Variants in STAU2 observed in about 807,000 individuals in gnomAD.
The protein encoded by STAU2 is double-stranded RNA-binding protein Staufen homolog 2.
In STAU2, 20 loss-of-function variants were observed where a neutral mutation model predicts 65.9. The observed-to-expected ratio is 0.30, with a 90% CI of 0.21 to 0.44. The LOEUF (loss-of-function observed/expected upper bound fraction) is 0.44, where lower values mean the gene tolerates loss of function less well. STAU2 is among the 20% of genes least tolerant of loss of function. The pLI is 1.00. For synonymous variants in STAU2, 232 were observed against 233.9 expected (o/e 0.99, Z 0.07); for missense variants, 558 against 683.9 (o/e 0.82, Z 2.05).
At chr8:73,697,572 G>T (rs1586295791) in intron 4 of STAU2, 1 of 152,150 alleles carries the variant, frequency 6.6e-6, no homozygotes, top group African/African-American at 2.4e-5. Flanking sequence ...ACTCTTAACT[G>T]AAGTAGAAAG....
At chr8:73,657,276 A>G (rs1453120692) in intron 6 of STAU2, among the ~76,000 whole-genome samples, 5 of 152,238 alleles carry the variant, frequency 3.3e-5, no homozygotes, top group Admixed American at 3.3e-4. Flanking sequence ...AAGCATAAGG[A>G]AGTGCCACAA....
chr8:73,610,538 CAAAAAA>C (rs59599554), intron 9 of STAU2, among the ~76,000 whole-genome samples: 2 of 95,142 alleles, frequency 2.1e-5, no homozygotes, highest in Admixed American at 1.1e-4. Context: ...GACCCCGTCT[CAAAAAA>C]AAAAAAAAAA....
intron 13 of STAU2, among the ~76,000 whole-genome samples, chr8:73,437,961 G>A (rs1346145094): frequency 6.6e-6 from 1 of 152,102 alleles, no homozygotes; most frequent in African/African-American, 2.4e-5. Flanking sequence ...CTCTGTGCTG[G>A]GCTCCTTTCT....
intron 13 of STAU2, among the ~76,000 whole-genome samples, chr8:73,436,627 C>G (rs1011086740): frequency 6.7e-6 from 1 of 149,386 alleles, no homozygotes; most frequent in Non-Finnish European, 1.5e-5. Flanking sequence ...TACTCTGTCA[C>G]CCAGGCTGGA....
At chr8:73,734,291 T>A (rs1806277157) in intron 3 of STAU2, among the ~76,000 whole-genome samples, 1 of 147,558 alleles carries the variant, frequency 6.8e-6, no homozygotes, top group Non-Finnish European at 1.5e-5. Flanking sequence ...AAGTTGCACA[T>A]GGATAATAAC....
chr8:73,562,313 C>T (rs1346446470), intron 12 of STAU2, among the ~76,000 whole-genome samples: 2 of 152,050 alleles, frequency 1.3e-5, no homozygotes, highest in Non-Finnish European at 2.9e-5. Context: ...CAGCAAGGTG[C>T]TGTCTCCATA....
chr8:73,515,478 A>G (rs530674368), intron 13 of STAU2, among the ~76,000 whole-genome samples: 1 of 152,294 alleles, frequency 6.6e-6, no homozygotes, highest in Non-Finnish European at 1.5e-5. Flanking sequence ...TATGAGAATA[A>G]GTCCCTGAAA....
At chr8:73,633,852 G>A (rs756911858) in intron 6 of STAU2, among the ~76,000 whole-genome samples, 35 of 151,872 alleles carry the variant, frequency 2.3e-4, no homozygotes, top group Admixed American at 1.4e-3. Context: ...GTGGTGGTGG[G>A]TGCCTGTAAT....
chr8:73,653,527 T>C (rs1478948879), intron 6 of STAU2: 1 of 153,038 alleles, frequency 6.5e-6, no homozygotes, highest in African/African-American at 2.4e-5. Context: ...AAAAGTTCTA[T>C]GACTATTCAA....
Position 73,462,836 on chromosome 8 carries a change from T to TA in STAU2, c.1531-40135dup, listed in dbSNP as rs535329451. 2.3e-3 allele frequency among the ~76,000 whole-genome samples: 347 copies of TA among 152,254 alleles called. 1 individual carries two copies. The highest frequency in any genetic ancestry group is 3.2e-3 in the Non-Finnish European group (221 of 68,024). ...TTAATGTCTTTATGATATCTAGTATTAAAAAAAGACAACTTCTTTGAGTGC... is the reference window on the plus strand; with the variant it reads ...TTAATGTCTTTATGATATCTAGTATTAAAAAAAAGACAACTTCTTTGAGTGC... On this transcript the variant is annotated intron_variant, in intron 13 of 14. Transcript: ENST00000524300.
chr8:73,424,415 G>T (rs1450042485), intron 13 of STAU2, among the ~76,000 whole-genome samples: 2 of 151,906 alleles, frequency 1.3e-5, no homozygotes, highest in Non-Finnish European at 2.9e-5. Flanking sequence ...TGGCCAGGCT[G>T]GTCTCGAACT....
rs568368480 is a variant in STAU2 at position 73,474,396 on chromosome 8, T to C, written c.1531-51694A>G. ...CATGATCTAATTACTGTTGACTTAT[T>C]GTGATATGTAAGGAAAGAGCGCTAG... is the stretch of plus-strand genomic sequence containing the variant. On this transcript the variant is annotated intron_variant, in intron 13 of 14. Coordinates refer to ENST00000524300, the MANE Select transcript of STAU2 (RefSeq NM_001164380.2). Among the ~76,000 whole-genome samples the C allele has an allele frequency of 3.9e-5, 6 of 152,336 alleles. No homozygotes were observed. In the South Asian group the frequency reaches 6.2e-4, roughly 16 times the overall value.
intron 13 of STAU2, among the ~76,000 whole-genome samples, chr8:73,442,663 C>T (rs1818250111): frequency 6.6e-6 from 1 of 152,174 alleles, no homozygotes; most frequent in Non-Finnish European, 1.5e-5. Flanking sequence ...AGGGTTGACA[C>T]ATTCTAATAT....
intron 12 of STAU2, among the ~76,000 whole-genome samples, chr8:73,556,059 T>C (rs1807741254): frequency 6.6e-6 from 1 of 152,226 alleles, no homozygotes; most frequent in Non-Finnish European, 1.5e-5. Flanking sequence ...CTGTTTTATC[T>C]ATGCACTTTT....
chr8:73,736,825 G>A (rs1418411272), intron 3 of STAU2, among the ~76,000 whole-genome samples: 1 of 152,194 alleles, frequency 6.6e-6, no homozygotes, highest in African/African-American at 2.4e-5. Context: ...AAATTTCTTT[G>A]GCAAGGTGAG....
chr8:73,499,293 G>A (rs1276382538), intron 13 of STAU2, among the ~76,000 whole-genome samples: 1 of 151,828 alleles, frequency 6.6e-6, no homozygotes, highest in Non-Finnish European at 1.5e-5. Context: ...GACACAGGGT[G>A]TCATGGCTAA....
At chr8:73,482,614 A>G (rs557286705) in intron 13 of STAU2, among the ~76,000 whole-genome samples, 1 of 152,236 alleles carries the variant, frequency 6.6e-6, no homozygotes, top group Admixed American at 6.5e-5. Flanking sequence ...TTGTGTTAAA[A>G]TGTATTTAAG....
At chr8:73,428,116 A>C (rs149391269) in intron 13 of STAU2, among the ~76,000 whole-genome samples, 1 of 152,148 alleles carries the variant, frequency 6.6e-6, no homozygotes, top group Non-Finnish European at 1.5e-5. Context: ...CCCTTTGACT[A>C]TCATTTTCCC....
intron 9 of STAU2, among the ~76,000 whole-genome samples, chr8:73,604,825 G>A (rs1406802051): frequency 6.6e-6 from 1 of 152,032 alleles, no homozygotes; most frequent in Non-Finnish European, 1.5e-5. Context: ...TAAAACACTG[G>A]GAGTACTATA....
Sources: gnomAD v4.1 joint callset for allele counts (sites outside exome capture counted in the v4.1 genomes callset) on GRCh38, gnomAD v4.1.1 for gene constraint, MANE v1.5 for transcripts, NCBI Gene and HGNC (gene_info 2026-07-23, HGNC 2026-07-21) for gene names.